The following ZMYM2 variants were observed in gnomAD, a reference collection of about 807,000 sequenced individuals.
The protein encoded by ZMYM2 is zinc finger MYM-type protein 2.
A neutral mutation model predicts 162.8 loss-of-function variants in ZMYM2; 56 were observed. The ratio of observed to expected loss-of-function variants is 0.34; its 90% CI spans 0.28 to 0.43. ZMYM2 has a LOEUF of 0.43. Ranked by LOEUF, ZMYM2 falls within the 20% of genes least tolerant of loss-of-function variation. The pLI is 1.00. For synonymous variants in ZMYM2, 510 were observed against 541.6 expected, an observed-to-expected ratio of 0.94 and a Z score of 0.81; for missense variants, 1,275 against 1,621.8, an observed-to-expected ratio of 0.79 and a Z score of 3.67.
the ZMYM2 span, among the ~76,000 whole-genome samples, chr13:19,923,047 A>G: frequency 6.7e-6 from 1 of 149,696 alleles, no homozygotes; most frequent in Non-Finnish European, 1.5e-5. Context: ...AAAGAAACAA[A>G]GAAAAGTCAG....
At chr13:20,059,294 T>G (rs1226046435) in intron 15 of ZMYM2, among the ~76,000 whole-genome samples, 153 bp from the exon 16 acceptor site, 1 of 148,240 alleles carries the variant, frequency 6.7e-6, no homozygotes, top group Non-Finnish European at 1.5e-5. Flanking sequence ...TTTGTCCTGT[T>G]CTTTTTAAGT....
At chr13:19,965,177 A>C in intron 2 of ZMYM2, 1 of 1,138,232 alleles carries the variant, frequency 8.8e-7, no homozygotes, top group Non-Finnish European at 1.1e-6. Context: ...TGTTTGTAAA[A>C]TGTGACTATA....
the ZMYM2 span, among the ~76,000 whole-genome samples, chr13:19,948,014 A>AT: frequency 1.3e-5 from 1 of 79,298 alleles, no homozygotes; most frequent in African/African-American, 3.4e-5. Context: ...AAAAAAAAAA[A>AT]AAGTTACATC....
chr13:20,051,256 T>TCTTC (rs56284213), intron 12 of ZMYM2, among the ~76,000 whole-genome samples, 177 bp from the exon 13 acceptor site: 1 of 25,134 alleles, frequency 4.0e-5, no homozygotes, highest in Admixed American at 4.2e-4. Flanking sequence ...TGAAATTGTA[T>TCTTC]TTTTTTTTTT....
At chr13:19,953,541 GGGCGTGGT>G in the ZMYM2 span, among the ~76,000 whole-genome samples, 1 of 151,916 alleles carries the variant, frequency 6.6e-6, no homozygotes, top group Admixed American at 6.6e-5. Flanking sequence ...AAAATTAGCT[GGGCGTGGT>G]GGCGCTTGCC....
chr13:19,888,150 A>G, the ZMYM2 span, among the ~76,000 whole-genome samples: 6 of 151,768 alleles, frequency 4.0e-5, no homozygotes, highest in African/African-American at 1.5e-4. Flanking sequence ...AAGTGCTGGG[A>G]TTACAGGCAT....
the ZMYM2 span, among the ~76,000 whole-genome samples, chr13:19,945,806 G>A: frequency 1.3e-5 from 2 of 151,752 alleles, no homozygotes; most frequent in African/African-American, 2.4e-5. Context: ...AAAATTAGCC[G>A]TGCATGGTTA....
At chr13:20,016,634 C>T (rs1951654573) in intron 6 of ZMYM2, among the ~76,000 whole-genome samples, 1 of 151,826 alleles carries the variant, frequency 6.6e-6, no homozygotes, top group South Asian at 2.1e-4. Flanking sequence ...TGTTTGAAAG[C>T]TTTTTTTTCT....
Position 20,088,560 on chromosome 13 carries a change from TA to T in ZMYM2, c.*2550del. ...AAATTGAATCTTCATTAACACATTT[TA>T]AAAGGCTTTACTGTATTAGGTAACA... On this transcript the variant is annotated 3_prime_UTR_variant, in exon 25 of 25. Transcript: ENST00000610343. 1.0e-5 allele frequency: 2 copies of T among 197,006 alleles called. No homozygotes were observed. The highest frequency in any genetic ancestry group is 2.1e-5 in the Non-Finnish European group (2 of 94,868). 12.2% of individuals were successfully genotyped at this position (197,006 alleles called of 1,614,324 possible). A position where few individuals can be genotyped will look rare whatever the true frequency, so the allele number is the denominator to read the frequency against.
At chr13:19,916,090 T>C in the ZMYM2 span, among the ~76,000 whole-genome samples, 335 of 152,092 alleles carry the variant, frequency 2.2e-3, no homozygotes, top group African/African-American at 7.9e-3. Flanking sequence ...CTCTATCTCC[T>C]GACCTCATGA....
chr13:19,885,946 T>TGTATACACAC, the ZMYM2 span, among the ~76,000 whole-genome samples: 2 of 119,902 alleles, frequency 1.7e-5, 1 homozygote, highest in African/African-American at 7.9e-5. Flanking sequence ...CATATATATG[T>TGTATACACAC]ATATACACAT....
At chr13:20,031,898 T>C (rs1953193865) in intron 10 of ZMYM2, among the ~76,000 whole-genome samples, 1 of 136,656 alleles carries the variant, frequency 7.3e-6, no homozygotes, top group African/African-American at 2.8e-5. Flanking sequence ...TTTCTCAGAG[T>C]CTTGCTGTGT....
the ZMYM2 span, among the ~76,000 whole-genome samples, chr13:19,881,665 T>G: frequency 7.2e-4 from 108 of 150,528 alleles, 1 homozygote; most frequent in African/African-American, 2.4e-3. Context: ...CAAATGAGAG[T>G]AGGACAATGA....
chr13:19,992,410 TA>T (rs1311568038), intron 2 of ZMYM2, among the ~76,000 whole-genome samples: 3 of 151,896 alleles, frequency 2.0e-5, no homozygotes, highest in Non-Finnish European at 1.5e-5. Flanking sequence ...AATAAATAAA[TA>T]AATAAATTAG....
chr13:20,034,286 T>C lies in ZMYM2; in HGVS notation c.2001T>C (p.Cys667=), dbSNP rs1223781664. 6.2e-7 allele frequency: 1 copy of C among 1,609,052 alleles called. No homozygotes were observed. Among genetic ancestry groups the C allele is most frequent in the Non-Finnish European group, 8.5e-7 (1 of 1,178,154 alleles). Residue 667 remains cysteine (C), a synonymous_variant, in exon 11 of 25, where the codon TGT becomes TGC. Coordinates refer to ENST00000610343, the MANE Select transcript of ZMYM2 (RefSeq NM_197968.4). The stretch of plus-strand genomic sequence containing the variant: ...TGCATCAGTTCTGCAGCAAAACTTG[T>C]TCAGATGACTATAAGAAGTTGCATT... The part of the protein sequence containing the change: ...NKVHQFCSKT[C]SDDYKKLHCI...
rs35516773 is a variant in ZMYM2, at chr13:19,993,526, G to A, written c.454G>A (p.Asp152Asn). ...RPPETKNRTN[D>N]VDFSTSSFSR... ...TCCTGAGACTAAAAACAGAACCAAT[G>A]ATGTGGATTTCTCCACTTCCAGTTT... The change falls in exon 3 of 25, where the codon GAT becomes AAT. Residue 152 changes from aspartate to asparagine, a missense_variant. Asp to Asn is a conservative substitution (Grantham distance 23). Coordinates refer to ENST00000610343, the MANE Select transcript of ZMYM2 (RefSeq NM_197968.4). 6.2e-7 allele frequency: 1 copy of A among 1,613,980 alleles called. No homozygotes were observed. Among genetic ancestry groups the A allele is most frequent in the East Asian group, 2.2e-5 (1 of 44,876 alleles).
chr13:19,954,219 T>C (rs1007271128), upstream of ZMYM2, among the ~76,000 whole-genome samples: 13 of 140,812 alleles, frequency 9.2e-5, no homozygotes, highest in African/African-American at 2.6e-4. Context: ...AGCTCCGCCT[T>C]CCGGGTTCAC....
rs1203174681 is a variant in ZMYM2 at position 20,036,870 on chromosome 13, T to C, written c.2253T>C (p.Ser751=). The change falls in exon 12 of 25, where the codon AGT becomes AGC. Residue 751 remains serine (S), a synonymous_variant. Coordinates refer to ENST00000610343, the MANE Select transcript of ZMYM2 (RefSeq NM_197968.4). ...ELDGVVRDFC[S]EDCCKKFQDW... The stretch of plus-strand genomic sequence containing the variant: ...ATGGTGTTGTGAGAGATTTCTGCAG[T>C]GAAGATTGCTGTAAAAAATTTCAGG... 9.9e-6 allele frequency: 16 copies of C among 1,608,966 alleles called. No individual in the cohort carries two copies. In the Admixed American group the frequency reaches 1.9e-4, roughly 19 times the overall value.
In ZMYM2 at chr13:20,058,754, C is replaced by T. The variant is rs549250344; in HGVS notation, c.2623+50C>T. ...ATACTTCCCCATACCTTCATCTCAC[C>T]TAATGAAATACATGCTTTTCTTGAA... is the stretch of plus-strand genomic sequence containing the variant. On this transcript the variant is annotated intron_variant, in intron 15 of 24. Coordinates refer to ENST00000610343, the MANE Select transcript of ZMYM2 (RefSeq NM_197968.4). The T allele has an allele frequency of 2.9e-5, 46 of 1,597,514 alleles. No individual in the cohort carries two copies. The Admixed American group carries it at 7.4e-4, about 26-fold the overall frequency.
Sources: gnomAD v4.1 joint callset for allele counts (sites outside exome capture counted in the v4.1 genomes callset) on GRCh38, gnomAD v4.1.1 for gene constraint, MANE v1.5 for transcripts, NCBI Gene and HGNC (gene_info 2026-07-23, HGNC 2026-07-21) for gene names.